Variants in SCNN1A observed in about 807,000 individuals in gnomAD.
SCNN1A encodes the protein epithelial sodium channel subunit alpha.
In SCNN1A, 65 loss-of-function variants were observed where a neutral mutation model predicts 68.6. The ratio of observed to expected loss-of-function variants is 0.95; its 90% confidence interval spans 0.78 to 1.16. The LOEUF is 1.16. Ranked by LOEUF, SCNN1A falls within the 50% of genes most tolerant of loss-of-function variation. The pLI, the probability that SCNN1A is intolerant of heterozygous loss-of-function variation, is 0.00. For synonymous variants in SCNN1A, 357 were observed against 353.3 expected (o/e 1.01, Z -0.12); for missense variants, 880 against 865.9 (o/e 1.02, Z -0.20).
intron 2 of SCNN1A, among the ~76,000 whole-genome samples, chr12:6,369,833 CA>C (rs397850777): frequency 0.38 from 35,341 of 93,480 alleles, 4,793 homozygotes; most frequent in Non-Finnish European, 0.43. Flanking sequence ...GACTCTGTCT[CA>C]AAAAAAAAAA....
rs1482429093 is a variant in SCNN1A, at chr12:6,354,773, A to G, written c.1219T>C (p.Tyr407His). The G allele has an allele frequency of 1.2e-6, 2 of 1,613,854 alleles. No homozygotes were observed. The highest frequency in any genetic ancestry group is 1.7e-6 in the Non-Finnish European group (2 of 1,179,866). Residue 407 changes from tyrosine (Y) to histidine (H), a missense_variant, in exon 7 of 13, where the codon TAC becomes CAC. Around this residue, in one of 3 missense-constraint regions of SCNN1A, gnomAD observed 758 missense variants for 721.8 expected, o/e 1.05. Coordinates refer to ENST00000228916, the MANE Select transcript of SCNN1A (RefSeq NM_001038.6). ...NGSDVPVENLYPSKYTQQVCI... is the reference protein window; with the variant it reads ...NGSDVPVENLHPSKYTQQVCI... ...ACCTGCTGTGTGTACTTTGAAGGGT[A>G]AAGGTTCTCAACAGGAACATCACTG...
intron 6 of SCNN1A, 26 bp downstream of exon 6, chr12:6,355,246 C>T: frequency 1.9e-6 from 3 of 1,607,016 alleles, no homozygotes; most frequent in Non-Finnish European, 2.5e-6. Flanking sequence ...GGCGCTCCTT[C>T]CAGGCCTCCC....
intron 5 of SCNN1A, 121 bp downstream of exon 5, chr12:6,355,656 A>G (rs1430308947): frequency 1.1e-6 from 1 of 913,718 alleles, no homozygotes; most frequent in Non-Finnish European, 1.8e-6. Context: ...ACTATGTGGC[A>G]CCTATTGGGG....
chr12:6,348,706 C>T, intron 12 of SCNN1A, 21 bp downstream of exon 12: 5 of 1,603,732 alleles, frequency 3.1e-6, no homozygotes, highest in Non-Finnish European at 4.3e-6. Flanking sequence ...GCATCACAGG[C>T]TCCATCCAGG....
intron 4 of SCNN1A, among the ~76,000 whole-genome samples, chr12:6,357,779 A>T (rs1449794629): frequency 6.6e-6 from 1 of 151,852 alleles, no homozygotes; most frequent in Non-Finnish European, 1.5e-5. Flanking sequence ...GGGTGGGGTC[A>T]CCTGAGGTCA....
chr12:6,365,044 A>G (rs1423127275), intron 2 of SCNN1A, among the ~76,000 whole-genome samples: 2 of 113,618 alleles, frequency 1.8e-5, no homozygotes, highest in Non-Finnish European at 3.8e-5. Context: ...TTTTTTTTGG[A>G]CAGGATCTTG....
chr12:6,369,344 C>CTCCCTCCTGCCACCCTACGCACT (rs1948741950), intron 2 of SCNN1A, among the ~76,000 whole-genome samples: 19 of 131,010 alleles, frequency 1.5e-4, no homozygotes, highest in Admixed American at 1.4e-3. Context: ...CCCTACGCAC[C>CTCCCTCCTGCCACCCTACGCACT]TCCCTCCTGC....
intron 4 of SCNN1A, chr12:6,356,202 T>A: frequency 2.4e-6 from 1 of 413,214 alleles, no homozygotes; most frequent in Non-Finnish European, 4.5e-6. Context: ...CCAGGCCATC[T>A]GGGTTCACCG....
At chr12:6,354,943 C>A in intron 6 of SCNN1A, 95 bp from the exon 7 acceptor site, 1 of 1,039,852 alleles carries the variant, frequency 9.6e-7, no homozygotes, top group South Asian at 1.3e-5. Context: ...TCACACCTGC[C>A]AGCCCCTCCT....
intron 2 of SCNN1A, among the ~76,000 whole-genome samples, chr12:6,371,108 C>T (rs1346910802): frequency 2.0e-5 from 3 of 152,282 alleles, no homozygotes; most frequent in African/African-American, 7.2e-5. Flanking sequence ...AGCACAGAGT[C>T]CTGCATGTCC....
In SCNN1A at chr12:6,362,144, G is replaced by A. The variant is rs951154187; in HGVS notation, c.782C>T (p.Ser261Leu). The A allele has an allele frequency of 1.4e-5, 23 of 1,614,052 alleles. No homozygotes were observed. Among genetic ancestry groups the A allele is most frequent in the African/African-American group, 2.7e-5 (2 of 74,932 alleles). Residue 261 changes from serine (S) to leucine (L), a missense_variant, in exon 4 of 13, where the codon TCG becomes TTG. This residue lies in a region of SCNN1A where 758 missense variants were observed against 721.8 expected (regional missense o/e 1.05). Coordinates refer to ENST00000228916, the MANE Select transcript of SCNN1A (RefSeq NM_001038.6). Reference sequence around the variant, plus strand: ...GGATGGCAGAGTCTCTGGCAGCCTCGACAGGATGTTGATGTAGTGGAAGCG... The same window carrying A: ...GGATGGCAGAGTCTCTGGCAGCCTCAACAGGATGTTGATGTAGTGGAAGCG... The part of the protein sequence containing the change: ...WYRFHYINIL[S>L]RLPETLPSLE...
At chr12:6,371,400 C>G (rs1948787729) in intron 2 of SCNN1A, among the ~76,000 whole-genome samples, 1 of 152,026 alleles carries the variant, frequency 6.6e-6, no homozygotes, top group Non-Finnish European at 1.5e-5. Flanking sequence ...GCCCCCGACC[C>G]TGGGAGGTCT....
intron 3 of SCNN1A, 136 bp from the exon 4 acceptor site, chr12:6,362,377 C>A: frequency 1.3e-6 from 1 of 793,672 alleles, no homozygotes; most frequent in Non-Finnish European, 2.2e-6. Context: ...TGGGGAAAGA[C>A]AGAAGTGGAA....
Position 6,351,253 on chromosome 12 carries a change from A to G in SCNN1A, c.1361-1848T>C, listed in dbSNP as rs1413143220. Among the ~76,000 whole-genome samples, 1 of 152,240 alleles carries G rather than the reference A, an allele frequency of 6.6e-6. No homozygotes were observed. Among genetic ancestry groups the G allele is most frequent in the African/African-American group, 2.4e-5 (1 of 41,474 alleles). On this transcript the variant is annotated intron_variant, in intron 8 of 12. Coordinates refer to ENST00000228916, the MANE Select transcript of SCNN1A (RefSeq NM_001038.6). This position sits in a 1 kb window ranked among gnomAD's most constrained non-coding sequence, Gnocchi z 4.2. ...AGGCACTGCTATTGCTACCATACGGATGAACCTTGAAAATATTATGCTAAG... is the reference window on the plus strand; with the variant it reads ...AGGCACTGCTATTGCTACCATACGGGTGAACCTTGAAAATATTATGCTAAG...
rs886149299 is a variant in SCNN1A at position 6,353,356 on chromosome 12, C to A, written c.1360+1082G>T. ...AGATGGAAAATGTGAAGGAATGAGACAGACCCATGTATCTTCTAATATTTT... is the reference window on the plus strand; with the variant it reads ...AGATGGAAAATGTGAAGGAATGAGAAAGACCCATGTATCTTCTAATATTTT... On this transcript the variant is annotated intron_variant, in intron 8 of 12. Coordinates refer to ENST00000228916, the MANE Select transcript of SCNN1A (RefSeq NM_001038.6). Among the ~76,000 whole-genome samples, 4 of 152,140 alleles carry A rather than the reference C, an allele frequency of 2.6e-5. No individual in the cohort carries two copies. The South Asian group carries it at 8.3e-4, about 32-fold the overall frequency.
At chr12:6,377,300 T>G (rs1387089719), upstream of SCNN1A, 1 of 1,545,824 alleles carries the variant, frequency 6.5e-7, no homozygotes, top group African/African-American at 1.4e-5. Flanking sequence ...GCTGGATTTT[T>G]CTTCATTGTC....
chr12:6,375,826 G>A (rs1023624342), upstream of SCNN1A: 3 of 1,355,760 alleles, frequency 2.2e-6, no homozygotes, highest in Non-Finnish European at 2.8e-6. Context: ...GGCAACACAA[G>A]GAGAAGGGGC....
chr12:6,374,933 G>A lies in SCNN1A; in HGVS notation c.-54-96C>T, dbSNP rs531838244. ...CCCTCTCCCATCACCCCTGGAACCCGAGTGAGGCTGCCCCTGGCCATGCCC... is the reference window on the plus strand; with the variant it reads ...CCCTCTCCCATCACCCCTGGAACCCAAGTGAGGCTGCCCCTGGCCATGCCC... On this transcript the variant is annotated intron_variant, in intron 1 of 12. Transcript: ENST00000228916. This position sits in a 1 kb window ranked among gnomAD's most constrained non-coding sequence, Gnocchi z 6.2. 4.9e-5 allele frequency: 78 copies of A among 1,592,614 alleles called. 1 individual carries two copies. In the African/African-American group the frequency reaches 7.8e-4, roughly 16 times the overall value.
chr12:6,374,726 G>A lies in SCNN1A; in HGVS notation c.58C>T (p.Leu20Phe). 1.9e-6 allele frequency: 3 copies of A among 1,614,166 alleles called. No individual in the cohort carries two copies. The highest frequency in any genetic ancestry group is 2.5e-6 in the Non-Finnish European group (3 of 1,180,028). ...DSSPPQSTPG[L>F]MKGNKREEQG... ...TCCTCACGCTTGTTCCCCTTCATGAGCCCTGGAGTGGACTGTGGAGGGCTA... is the reference window on the plus strand; with the variant it reads ...TCCTCACGCTTGTTCCCCTTCATGAACCCTGGAGTGGACTGTGGAGGGCTA... The change falls in exon 2 of 13, where the codon CTC becomes TTC. Residue 20 changes from leucine to phenylalanine, a missense_variant. This residue lies in a region of SCNN1A where 77 missense variants were observed against 67.4 expected (regional missense o/e 1.14). Coordinates refer to ENST00000228916, the MANE Select transcript of SCNN1A (RefSeq NM_001038.6). The surrounding 1 kb of genome is among the most constrained non-coding windows in gnomAD (Gnocchi z 6.2).
Sources: allele counts gnomAD v4.1 joint callset (sites outside exome capture counted in the v4.1 genomes callset), GRCh38; gene constraint gnomAD v4.1.1; regional missense constraint gnomAD v4.1.1; non-coding constraint Gnocchi (gnomAD v3.1); transcripts MANE v1.5; gene names NCBI Gene and HGNC (gene_info 2026-07-23, HGNC 2026-07-21).